Variants in CAMK4 observed in about 807,000 individuals in gnomAD.
CAMK4 encodes the protein calcium/calmodulin-dependent protein kinase type IV.
Under a neutral mutation model 44.9 loss-of-function variants are expected in CAMK4, and 22 were observed. The observed-to-expected ratio is 0.49, with a 90% confidence interval of 0.35 to 0.70. The LOEUF (loss-of-function observed/expected upper bound fraction) is 0.70. CAMK4 is among the 30% of genes least tolerant of loss of function. CAMK4 has a pLI of 0.01. For missense variants in CAMK4, 498 were observed against 586.8 expected, an observed-to-expected ratio of 0.85 and a Z score of 1.56; for synonymous variants, 218 against 215.4, an observed-to-expected ratio of 1.01 and a Z score of -0.11.
intron 2 of CAMK4, among the ~76,000 whole-genome samples, chr5:111,367,100 A>G (rs1750820905): frequency 1.3e-5 from 2 of 150,800 alleles, no homozygotes; most frequent in Admixed American, 1.3e-4. Context: ...ACTGCTGTCA[A>G]TTTAGTTTAC....
intron 1 of CAMK4, among the ~76,000 whole-genome samples, chr5:111,317,930 G>GAAAAAAAAAAAAAAA (rs1748501495): frequency 1.5e-4 from 11 of 71,670 alleles, no homozygotes; most frequent in African/African-American, 2.0e-4. Context: ...AAAAAAAAAG[G>GAAAAAAAAAAAAAAA]AAAACAGGAT....
chr5:111,224,357 C>CGT, upstream of CAMK4: 6 of 1,282,120 alleles, frequency 4.7e-6, no homozygotes, highest in Non-Finnish European at 6.0e-6. This position sits in a 1 kb window ranked among gnomAD's most constrained non-coding sequence, Gnocchi z 5.7. Flanking sequence ...CGGCGGTGGG[C>CGT]GTGTGCGCGC....
intron 1 of CAMK4, among the ~76,000 whole-genome samples, chr5:111,310,127 G>C (rs756404066): frequency 2.0e-5 from 3 of 151,824 alleles, no homozygotes; most frequent in African/African-American, 7.3e-5. Context: ...CCTCGTTTTG[G>C]GGGTAGAGTT....
chr5:111,473,814 C>T (rs1398687055), intron 8 of CAMK4, among the ~76,000 whole-genome samples: 3 of 152,086 alleles, frequency 2.0e-5, no homozygotes, highest in Admixed American at 6.5e-5. Flanking sequence ...TATTTCTTAT[C>T]AGGAATATTT....
chr5:111,417,649 C>A (rs1752864164), intron 5 of CAMK4, among the ~76,000 whole-genome samples: 1 of 152,156 alleles, frequency 6.6e-6, no homozygotes, highest in African/African-American at 2.4e-5. Flanking sequence ...AGCCCCCATG[C>A]CTGACCAATT....
chr5:111,444,893 A>T (rs1561492349), intron 5 of CAMK4, among the ~76,000 whole-genome samples: 1 of 152,210 alleles, frequency 6.6e-6, no homozygotes, highest in Non-Finnish European at 1.5e-5. Flanking sequence ...GAGAAAGGCA[A>T]ATTAAACCAA....
At chr5:111,328,621 T>C (rs934866340) in intron 1 of CAMK4, among the ~76,000 whole-genome samples, 1 of 152,092 alleles carries the variant, frequency 6.6e-6, no homozygotes, top group Admixed American at 6.6e-5. Context: ...ATTTTCACGA[T>C]ATTGATTCTT....
chr5:111,446,225 A>G (rs549558226), intron 5 of CAMK4, among the ~76,000 whole-genome samples: 47 of 152,358 alleles, frequency 3.1e-4, no homozygotes, highest in African/African-American at 9.1e-4. Context: ...ACTCACATCT[A>G]TATGTCTAAA....
chr5:111,252,779 T>A (rs1399021074), intron 1 of CAMK4, among the ~76,000 whole-genome samples: 3 of 152,214 alleles, frequency 2.0e-5, no homozygotes, highest in Non-Finnish European at 4.4e-5. Flanking sequence ...TCCTACAGAT[T>A]TTCAAAATAA....
intron 1 of CAMK4, among the ~76,000 whole-genome samples, chr5:111,313,360 C>G (rs1293158534): frequency 7.9e-5 from 12 of 152,042 alleles, no homozygotes; most frequent in Admixed American, 7.9e-4. Flanking sequence ...TGTTTTTTCC[C>G]TCTATTGAAC....
intron 5 of CAMK4, among the ~76,000 whole-genome samples, chr5:111,430,247 G>A (rs1753394871): frequency 6.6e-6 from 1 of 152,122 alleles, no homozygotes; most frequent in Non-Finnish European, 1.5e-5. Context: ...TGCTGAAAAG[G>A]CATTTGATAA....
intron 1 of CAMK4, among the ~76,000 whole-genome samples, chr5:111,235,160 A>G (rs1214534477): frequency 7.2e-5 from 11 of 152,114 alleles, no homozygotes; most frequent in Non-Finnish European, 1.6e-4. Context: ...GACTACTTTA[A>G]TTTAGTAAGC....
chr5:111,428,264 C>G (rs1249985887), intron 5 of CAMK4, among the ~76,000 whole-genome samples: 1 of 152,230 alleles, frequency 6.6e-6, no homozygotes, highest in East Asian at 1.9e-4. Flanking sequence ...AGAAGAACAG[C>G]TACAAATAAG....
chr5:111,446,849 A>G, intron 6 of CAMK4, 73 bp downstream of exon 6: 1 of 851,326 alleles, frequency 1.2e-6, no homozygotes, highest in Non-Finnish European at 2.1e-6. Context: ...GGAATTTTTA[A>G]ATATTGCTCC....
chr5:111,309,776 T>C (rs770460097), intron 1 of CAMK4, among the ~76,000 whole-genome samples: 26 of 152,128 alleles, frequency 1.7e-4, no homozygotes, highest in Non-Finnish European at 3.7e-4. Flanking sequence ...TTTTAAAAAG[T>C]GAGTTGAAAT....
intron 4 of CAMK4, among the ~76,000 whole-genome samples, chr5:111,391,474 C>A (rs1751795862): frequency 1.3e-5 from 2 of 151,266 alleles, no homozygotes; most frequent in Non-Finnish European, 1.5e-5. Flanking sequence ...CAATAAGGAG[C>A]AGAATAAAGT....
chr5:111,398,462 G>GT (rs980658921), intron 5 of CAMK4, among the ~76,000 whole-genome samples: 5 of 152,108 alleles, frequency 3.3e-5, no homozygotes, highest in African/African-American at 9.7e-5. Flanking sequence ...TGTTCTGGTG[G>GT]TTTTTTTGCT....
intron 1 of CAMK4, among the ~76,000 whole-genome samples, chr5:111,285,592 C>T (rs1253234013): frequency 6.6e-6 from 1 of 152,096 alleles, no homozygotes; most frequent in Non-Finnish European, 1.5e-5. Flanking sequence ...ATTCAAAATC[C>T]GTGCTTTTTC....
At chr5:111,230,039 C>A (rs756323310) in intron 1 of CAMK4, among the ~76,000 whole-genome samples, 1 of 152,154 alleles carries the variant, frequency 6.6e-6, no homozygotes, top group African/African-American at 2.4e-5. Flanking sequence ...CCGGGTGCAG[C>A]ATGTGTACCC....
Sources: allele counts gnomAD v4.1 joint callset (sites outside exome capture counted in the v4.1 genomes callset), GRCh38; gene constraint gnomAD v4.1.1; non-coding constraint Gnocchi (gnomAD v3.1); transcripts MANE v1.5; gene names NCBI Gene and HGNC (gene_info 2026-07-23, HGNC 2026-07-21).